The following SCAPER variants were observed in gnomAD, a reference collection of about 807,000 sequenced individuals.
The protein encoded by SCAPER is S phase cyclin A-associated protein in the endoplasmic reticulum.
In SCAPER, 98 loss-of-function variants were observed where a neutral mutation model predicts 182.2. That is an observed-to-expected ratio of 0.54 (90% CI 0.46 to 0.64). The LOEUF is 0.64. Ranked by LOEUF, SCAPER falls within the 30% of genes least tolerant of loss-of-function variation. The pLI is 0.00. For missense variants in SCAPER, 1,432 were observed against 1,690.0 expected (o/e 0.85, Z 2.68); for synonymous variants, 605 against 564.6 (o/e 1.07, Z -1.01).
intron 17 of SCAPER, among the ~76,000 whole-genome samples, chr15:76,710,852 A>T (rs2059525429): frequency 6.6e-6 from 1 of 152,148 alleles, no homozygotes; most frequent in Non-Finnish European, 1.5e-5. Context: ...AAACTACAGT[A>T]ATTAAAACTG....
chr15:76,652,369 CACATATATAT>C (rs2055203874), intron 21 of SCAPER, among the ~76,000 whole-genome samples: 2 of 13,702 alleles, frequency 1.5e-4, no homozygotes, highest in African/African-American at 3.2e-4. Flanking sequence ...CACACACACA[CACATATATAT>C]ATATATATAT....
At chr15:76,699,373 C>G (rs554351344) in intron 20 of SCAPER, among the ~76,000 whole-genome samples, 1 of 152,238 alleles carries the variant, frequency 6.6e-6, no homozygotes, top group African/African-American at 2.4e-5. Flanking sequence ...AGCTTTTGCC[C>G]CTCCACTATG....
intron 8 of SCAPER, among the ~76,000 whole-genome samples, chr15:76,785,083 G>A (rs973174116): frequency 1.3e-5 from 2 of 152,232 alleles, no homozygotes; most frequent in African/African-American, 4.8e-5. Context: ...TACCGTCAGA[G>A]TGAACAGGCA....
chr15:76,421,463 G>A (rs902320207), intron 26 of SCAPER, among the ~76,000 whole-genome samples: 3 of 152,096 alleles, frequency 2.0e-5, no homozygotes, highest in Non-Finnish European at 4.4e-5. Flanking sequence ...CTTTTTGATG[G>A]GGTTGTTTGT....
intron 1 of SCAPER, among the ~76,000 whole-genome samples, chr15:76,888,426 G>GA (rs1389923045): frequency 1.3e-5 from 2 of 152,126 alleles, no homozygotes; most frequent in Admixed American, 6.5e-5. Context: ...CAAAAACCTT[G>GA]AAAAAAGGTT....
intron 7 of SCAPER, among the ~76,000 whole-genome samples, chr15:76,795,833 A>C (rs941526645): frequency 6.6e-6 from 1 of 152,208 alleles, no homozygotes; most frequent in Non-Finnish European, 1.5e-5. Context: ...AAGCCAAGGC[A>C]GGTGGATCAC....
chr15:76,765,738 A>G, intron 11 of SCAPER, 100 bp from the exon 12 acceptor site: 1 of 989,224 alleles, frequency 1.0e-6, no homozygotes, highest in Non-Finnish European at 1.5e-6. Context: ...TTGTTAATAT[A>G]TTCTATTTAA....
intron 5 of SCAPER, among the ~76,000 whole-genome samples, chr15:76,811,687 C>T (rs2066633059): frequency 6.6e-6 from 1 of 152,030 alleles, no homozygotes; most frequent in Admixed American, 6.6e-5. Flanking sequence ...ACTCAGGAGG[C>T]TGAGGCAGGA....
intron 23 of SCAPER, among the ~76,000 whole-genome samples, chr15:76,538,365 AC>A (rs2044385218): frequency 6.7e-6 from 1 of 149,948 alleles, no homozygotes; most frequent in Non-Finnish European, 1.5e-5. Context: ...GCACATATAC[AC>A]CATGGAATAC....
chr15:76,819,400 C>T (rs151197568), intron 5 of SCAPER, among the ~76,000 whole-genome samples: 7,305 of 152,240 alleles, frequency 0.048, 515 homozygotes, highest in African/African-American at 0.15. Flanking sequence ...TCCAGAGGAA[C>T]GATCAGGCAG....
At chr15:76,542,511 G>A (rs536501503) in intron 23 of SCAPER, among the ~76,000 whole-genome samples, 121 of 151,154 alleles carry the variant, frequency 8.0e-4, no homozygotes, top group African/African-American at 2.8e-3. Flanking sequence ...CGACAAGAGC[G>A]AGACTCCATC....
At chr15:76,429,640 T>G (rs1327053777) in intron 26 of SCAPER, among the ~76,000 whole-genome samples, 1 of 152,154 alleles carries the variant, frequency 6.6e-6, no homozygotes, top group Non-Finnish European at 1.5e-5. Context: ...TTAGGGTATC[T>G]GGCAGAAGAA....
At chr15:76,362,995 G>C (rs1280647585) in intron 29 of SCAPER, among the ~76,000 whole-genome samples, 1 of 152,070 alleles carries the variant, frequency 6.6e-6, no homozygotes, top group African/African-American at 2.4e-5. Flanking sequence ...ACCCCAGAAG[G>C]CCGTCTGGCA....
rs554007150 is a variant in SCAPER at position 76,580,269 on chromosome 15, A to G, written c.2712-5985T>C. On this transcript the variant is annotated intron_variant, in intron 22 of 31. Transcript: ENST00000563290. ...CATTCTCATGGACAGTCCAAGTGTT[A>G]GACCACAAAATAAGTCTTAAAAAAT... Among the ~76,000 whole-genome samples the G allele has an allele frequency of 3.3e-5, 5 of 152,318 alleles. No individual in the cohort carries two copies. In the East Asian group the frequency reaches 9.6e-4, roughly 29 times the overall value.
intron 20 of SCAPER, among the ~76,000 whole-genome samples, chr15:76,694,535 G>GA (rs1249920020): frequency 4.6e-5 from 7 of 151,822 alleles, no homozygotes; most frequent in Non-Finnish European, 8.8e-5. Flanking sequence ...AATAAAGTTG[G>GA]AAAAATAGTT....
At chr15:76,352,184 C>T (rs533437265) in intron 30 of SCAPER, among the ~76,000 whole-genome samples, 125 of 152,316 alleles carry the variant, frequency 8.2e-4, no homozygotes, top group Admixed American at 1.7e-3. Context: ...CATCATCTCC[C>T]TGAAGTCCCT....
chr15:76,896,631 C>A (rs2074445301), intron 1 of SCAPER, among the ~76,000 whole-genome samples: 1 of 152,042 alleles, frequency 6.6e-6, no homozygotes, highest in South Asian at 2.1e-4. Flanking sequence ...CAATCCTAGA[C>A]CTGGCACAGT....
intron 23 of SCAPER, among the ~76,000 whole-genome samples, chr15:76,567,579 AATCACATT>A (rs1484307174): frequency 1.3e-5 from 2 of 152,166 alleles, no homozygotes; most frequent in African/African-American, 4.8e-5. Flanking sequence ...CTGATAAGTG[AATCACATT>A]ATCACATTGA....
At chr15:76,862,358 G>T in intron 3 of SCAPER, 58 bp downstream of exon 3, 3 of 1,061,454 alleles carry the variant, frequency 2.8e-6, no homozygotes, top group Non-Finnish European at 4.3e-6. Flanking sequence ...ATCTCTTTAG[G>T]ACTAAATACA....
Sources: allele counts gnomAD v4.1 joint callset (sites outside exome capture counted in the v4.1 genomes callset), GRCh38; gene constraint gnomAD v4.1.1; transcripts MANE v1.5; gene names NCBI Gene and HGNC (gene_info 2026-07-23, HGNC 2026-07-21).